Variants in KSR1 observed in about 807,000 individuals in gnomAD.
The protein encoded by KSR1 is kinase suppressor of ras.
In KSR1, 35 loss-of-function variants were observed where a neutral mutation model predicts 92.9. That is an observed-to-expected ratio of 0.38 (90% CI 0.29 to 0.50). The LOEUF (loss-of-function observed/expected upper bound fraction) is 0.50, where lower values mean the gene tolerates loss of function less well. Among genes scored for constraint, KSR1 ranks in the 20% least tolerant of loss-of-function variants. KSR1 has a pLI of 0.94. For missense variants in KSR1, 972 were observed against 1,158.5 expected (o/e 0.84, Z 2.34); for synonymous variants, 467 against 472.6 (o/e 0.99, Z 0.15).
chr17:27,585,825 A>T, intron 5 of KSR1, 164 bp downstream of exon 5: 2 of 670,582 alleles, frequency 3.0e-6, no homozygotes, highest in Non-Finnish European at 5.5e-6. Context: ...GCCCTAAGAC[A>T]GGTGGCCTTA....
In KSR1 at chr17:27,487,354, G is replaced by A. The variant is rs183490834; in HGVS notation, c.231+30480G>A. ...GGAGGCTGAGGAAGGAGAATCGCTC[G>A]AACCTGGGAGGTGGAGGTTGCCATG... On this transcript the variant is annotated intron_variant, in intron 1 of 20. Transcript: ENST00000644974. 4.6e-5 allele frequency among the ~76,000 whole-genome samples: 7 copies of A among 152,278 alleles called. No homozygotes were observed. In the East Asian group the frequency reaches 1.2e-3, roughly 25 times the overall value.
intron 2 of KSR1, among the ~76,000 whole-genome samples, chr17:27,569,590 A>G (rs2072225678): frequency 6.6e-6 from 1 of 152,264 alleles, no homozygotes; most frequent in Admixed American, 6.5e-5. Flanking sequence ...AATGGTTTTT[A>G]CATTTTGAAC....
intron 1 of KSR1, among the ~76,000 whole-genome samples, chr17:27,495,945 G>A (rs908640929): frequency 6.6e-6 from 1 of 152,166 alleles, no homozygotes; most frequent in African/African-American, 2.4e-5. Context: ...AAGAAGAGAC[G>A]AGATGGTACT....
intron 1 of KSR1, among the ~76,000 whole-genome samples, chr17:27,462,879 TTGTAAA>T (rs2019515190): frequency 6.6e-6 from 1 of 152,250 alleles, no homozygotes; most frequent in Admixed American, 6.5e-5. Flanking sequence ...GTGCATTGCC[TTGTAAA>T]TGTCTTCTGT....
chr17:27,539,920 A>C (rs1190870921), intron 1 of KSR1, among the ~76,000 whole-genome samples: 7 of 152,224 alleles, frequency 4.6e-5, no homozygotes, highest in African/African-American at 1.7e-4. Context: ...AGGTCAGGGA[A>C]ATGCCTTCCT....
intron 1 of KSR1, among the ~76,000 whole-genome samples, chr17:27,518,347 A>G (rs1238262921): frequency 2.0e-5 from 3 of 152,196 alleles, no homozygotes; most frequent in Non-Finnish European, 4.4e-5. Context: ...GAGTAGCTGC[A>G]CTTGTGAAAT....
chr17:27,571,793 T>G (rs1198563053), intron 2 of KSR1, among the ~76,000 whole-genome samples: 1 of 152,240 alleles, frequency 6.6e-6, no homozygotes, highest in Non-Finnish European at 1.5e-5. Flanking sequence ...GCAGTGTGTT[T>G]GTATACGTGG....
chr17:27,491,748 C>T (rs2068838735), intron 1 of KSR1, among the ~76,000 whole-genome samples: 1 of 152,078 alleles, frequency 6.6e-6, no homozygotes, highest in Non-Finnish European at 1.5e-5. Flanking sequence ...GGTGGATTTG[C>T]CCAGGGTCGC....
intron 1 of KSR1, among the ~76,000 whole-genome samples, chr17:27,494,777 GAA>G (rs1225963956): frequency 6.6e-6 from 1 of 152,240 alleles, no homozygotes; most frequent in Non-Finnish European, 1.5e-5. Flanking sequence ...TCGTGAGAAT[GAA>G]AGCTTCTCTG....
chr17:27,528,634 CACGTCTGTAATCCCAGTGCTTTGGG>C (rs1416755570), intron 1 of KSR1, among the ~76,000 whole-genome samples: 11 of 152,208 alleles, frequency 7.2e-5, no homozygotes, highest in Non-Finnish European at 1.5e-4. Flanking sequence ...CATAGTGGCT[CACGTCTGTAATCCCAGTGCTTTGGG>C]AGGCTGAGAA....
At chr17:27,494,407 A>G (rs2068917364) in intron 1 of KSR1, among the ~76,000 whole-genome samples, 2 of 152,190 alleles carry the variant, frequency 1.3e-5, no homozygotes, top group Non-Finnish European at 2.9e-5. Context: ...GGTGGCAGTA[A>G]CTGGGAAGCT....
intron 1 of KSR1, chr17:27,526,470 C>G (rs141946573): frequency 4.3e-5 from 68 of 1,591,960 alleles, no homozygotes; most frequent in Non-Finnish European, 5.7e-5. Flanking sequence ...CCCAATACAT[C>G]TTCTCTTTAT....
intron 1 of KSR1, among the ~76,000 whole-genome samples, chr17:27,502,068 C>T (rs757248642): frequency 2.0e-5 from 3 of 152,194 alleles, no homozygotes; most frequent in Non-Finnish European, 2.9e-5. Context: ...TGATTGGTAC[C>T]TTAGCCAAGG....
At chr17:27,597,477 G>A in intron 10 of KSR1, 41 bp downstream of exon 10, 1 of 1,551,304 alleles carries the variant, frequency 6.4e-7, no homozygotes. Flanking sequence ...AAGGGATACA[G>A]TCAGATCCCC....
intron 1 of KSR1, among the ~76,000 whole-genome samples, chr17:27,476,335 A>G (rs1043407096): frequency 4.6e-5 from 7 of 152,196 alleles, no homozygotes; most frequent in African/African-American, 1.2e-4. Context: ...GAAACAGGGA[A>G]GTTTCCAGAG....
rs141415523 is a variant in KSR1 at position 27,567,798 on chromosome 17, G to A, written c.373-9694G>A. ...TGGTATATCCTGGCGTTGGTTACTG[G>A]CAAGTGTGTCTGGACACCTGGATCC... is the stretch of plus-strand genomic sequence containing the variant. On this transcript the variant is annotated intron_variant, in intron 2 of 20. Transcript: ENST00000644974. 1.8e-3 allele frequency among the ~76,000 whole-genome samples: 271 copies of A among 152,332 alleles called. 1 individual carries two copies. The highest frequency in any genetic ancestry group is 2.9e-3 in the Non-Finnish European group (200 of 68,022).
chr17:27,588,255 C>A (rs62057826), intron 5 of KSR1: 1 of 361,662 alleles, frequency 2.8e-6, no homozygotes, highest in Non-Finnish European at 5.0e-6. Context: ...CCTCAGAGGC[C>A]AGGAGCAAGC....
chr17:27,607,203 A>G (rs1223679046), intron 14 of KSR1, among the ~76,000 whole-genome samples: 1 of 152,228 alleles, frequency 6.6e-6, no homozygotes, highest in East Asian at 1.9e-4. Context: ...AGTGGGACAC[A>G]GATAAGGAAA....
rs566105375 is a variant in KSR1, at chr17:27,487,353, C to T, written c.231+30479C>T. 5.3e-5 allele frequency among the ~76,000 whole-genome samples: 8 copies of T among 152,168 alleles called. 1 individual carries two copies. The South Asian group carries it at 1.5e-3, about 28-fold the overall frequency. On this transcript the variant is annotated intron_variant, in intron 1 of 20. Coordinates refer to ENST00000644974, the MANE Select transcript of KSR1 (RefSeq NM_001394583.1). ...GGGAGGCTGAGGAAGGAGAATCGCT[C>T]GAACCTGGGAGGTGGAGGTTGCCAT...
Sources: gnomAD v4.1 joint callset for allele counts (sites outside exome capture counted in the v4.1 genomes callset) on GRCh38, gnomAD v4.1.1 for gene constraint, MANE v1.5 for transcripts, NCBI Gene and HGNC (gene_info 2026-07-23, HGNC 2026-07-21) for gene names.